The following APELA variants were observed in gnomAD, a reference collection of about 807,000 sequenced individuals.
APELA encodes apelin receptor early endogenous ligand, also known as protein Elabela.
chr4:164,881,520 C>T (rs1336501265), intron 2 of APELA, among the ~76,000 whole-genome samples: 2 of 128,828 alleles, frequency 1.6e-5, no homozygotes, highest in Admixed American at 8.0e-5. Context: ...TGCTGTATGC[C>T]GTTCATTTCC....
chr4:164,892,577 T>C (rs1730903003), intron 2 of APELA, among the ~76,000 whole-genome samples: 1 of 152,204 alleles, frequency 6.6e-6, no homozygotes, highest in South Asian at 2.1e-4. Context: ...GAAATATTGG[T>C]CTGCACTTTT....
intron 2 of APELA, among the ~76,000 whole-genome samples, chr4:164,885,940 ACTCT>A (rs1159337391): frequency 1.3e-5 from 2 of 151,662 alleles, no homozygotes; most frequent in African/African-American, 2.4e-5. Flanking sequence ...TCAAGTCCAA[ACTCT>A]CTCCCTCCTT....
At chr4:164,885,069 G>C (rs1454715612) in intron 2 of APELA, among the ~76,000 whole-genome samples, 1 of 151,832 alleles carries the variant, frequency 6.6e-6, no homozygotes, top group Non-Finnish European at 1.5e-5. Flanking sequence ...CCGAGGGTAG[G>C]TTTTATTTAT....
At chr4:164,898,868 G>C (rs1231223952), downstream of APELA, 1 of 152,170 alleles carries the variant, frequency 6.6e-6, no homozygotes, top group East Asian at 1.9e-4. Context: ...TCTAGAACGA[G>C]TGAGCACAAA....
chr4:164,883,706 G>C (rs1187679383), intron 2 of APELA, among the ~76,000 whole-genome samples: 1 of 151,646 alleles, frequency 6.6e-6, no homozygotes, highest in African/African-American at 2.4e-5. Context: ...GGCTGGTCTT[G>C]ACCTTCTGGG....
intron 2 of APELA, among the ~76,000 whole-genome samples, chr4:164,893,177 C>A (rs905841824): frequency 6.6e-6 from 1 of 152,072 alleles, no homozygotes; most frequent in Admixed American, 6.5e-5. Flanking sequence ...TGTTTAGGGT[C>A]TTAAGTGAAA....
chr4:164,890,076 T>A (rs1730851051), intron 2 of APELA, among the ~76,000 whole-genome samples: 1 of 152,214 alleles, frequency 6.6e-6, no homozygotes, highest in Non-Finnish European at 1.5e-5. Flanking sequence ...TTAATTTATT[T>A]ATCTTGACTT....
At chr4:164,891,892 G>C (rs7680509) in intron 2 of APELA, among the ~76,000 whole-genome samples, 11,825 of 152,126 alleles carry the variant, frequency 0.078, 1,389 homozygotes, top group African/African-American at 0.26. Context: ...TATTATGTTA[G>C]TTATGGGTCT....
chr4:164,883,587 AG>A lies in APELA; in HGVS notation c.*1+4579del, dbSNP rs554010962. On this transcript the variant is annotated intron_variant, in intron 2 of 2. Transcript: ENST00000507152. ...CTGTAGCCTCAAAGTCTCAGGCTCAAGTTATCCTCCTGCCTCAGCCTTCCAA... is the reference window on the plus strand; with the variant it reads ...CTGTAGCCTCAAAGTCTCAGGCTCAATTATCCTCCTGCCTCAGCCTTCCAA... 1.3e-3 allele frequency among the ~76,000 whole-genome samples: 201 copies of A among 151,248 alleles called. 1 individual carries two copies. The highest frequency in any genetic ancestry group is 4.4e-3 in the African/African-American group (182 of 41,026).
At chr4:164,888,768 T>A in intron 2 of APELA, among the ~76,000 whole-genome samples, 1 of 132,996 alleles carries the variant, frequency 7.5e-6, no homozygotes, top group East Asian at 1.9e-4. Context: ...GGTCCTTTAG[T>A]GATTTCTCAT....
At chr4:164,879,442 C>T (rs1730617106) in intron 2 of APELA, among the ~76,000 whole-genome samples, 2 of 152,018 alleles carry the variant, frequency 1.3e-5, no homozygotes, top group African/African-American at 4.8e-5. Flanking sequence ...CTCCTCCTCT[C>T]TCCTCTTACC....
At chr4:164,889,803 A>G (rs1429218500) in intron 2 of APELA, among the ~76,000 whole-genome samples, 1 of 152,224 alleles carries the variant, frequency 6.6e-6, no homozygotes, top group Non-Finnish European at 1.5e-5. Flanking sequence ...TGTACTGAAC[A>G]TGTTCAAACT....
chr4:164,898,850 G>A (rs780274862), downstream of APELA: 1 of 152,168 alleles, frequency 6.6e-6, no homozygotes, highest in Non-Finnish European at 1.5e-5. Context: ...CCTCTGTTTA[G>A]GGACAGGTCT....
At chr4:164,887,169 T>C (rs924506147) in intron 2 of APELA, among the ~76,000 whole-genome samples, 1 of 152,166 alleles carries the variant, frequency 6.6e-6, no homozygotes, top group African/African-American at 2.4e-5. Context: ...TTACAAAATG[T>C]GTAATAATTC....
chr4:164,879,414 T>C (rs1166953128), intron 2 of APELA, among the ~76,000 whole-genome samples: 1 of 152,066 alleles, frequency 6.6e-6, no homozygotes, highest in Non-Finnish European at 1.5e-5. Flanking sequence ...GTTTCTTTTC[T>C]TCTCCTCCTC....
At chr4:164,879,141 C>G in intron 2 of APELA, 132 bp downstream of exon 2, 1 of 395,344 alleles carries the variant, frequency 2.5e-6, no homozygotes, top group Non-Finnish European at 4.5e-6. Context: ...GAGATGCATA[C>G]CAATAAATGA....
chr4:164,893,841 A>T (rs1435388666), intron 2 of APELA, among the ~76,000 whole-genome samples: 6 of 152,102 alleles, frequency 3.9e-5, no homozygotes, highest in Admixed American at 3.3e-4. Flanking sequence ...TATATGGTTG[A>T]ACTTACGCAA....
At chr4:164,884,079 A>C (rs1377851194) in intron 2 of APELA, among the ~76,000 whole-genome samples, 1 of 144,960 alleles carries the variant, frequency 6.9e-6, no homozygotes, top group Non-Finnish European at 1.5e-5. Flanking sequence ...GAGAGAAAGA[A>C]AGAAGGAAAA....
Position 164,886,096 on chromosome 4 carries a change from A to G in APELA, c.*1+7087A>G, listed in dbSNP as rs534802466. Among the ~76,000 whole-genome samples, 229 of 152,318 alleles carry G rather than the reference A, an allele frequency of 1.5e-3. 1 individual carries two copies. Among genetic ancestry groups the G allele is most frequent in the Non-Finnish European group, 2.5e-3 (168 of 68,022 alleles). Reference sequence around the variant, plus strand: ...CTATCACATTTGACTTTGTTTCTTTAGATTTTTATCAGTATTGAAATATGA... The same window carrying G: ...CTATCACATTTGACTTTGTTTCTTTGGATTTTTATCAGTATTGAAATATGA... On this transcript the variant is annotated intron_variant, in intron 2 of 2. Transcript: ENST00000507152.
Sources: gnomAD v4.1 joint callset for allele counts (sites outside exome capture counted in the v4.1 genomes callset) on GRCh38, gnomAD v4.1.1 for gene constraint, MANE v1.5 for transcripts, NCBI Gene and HGNC (gene_info 2026-07-23, HGNC 2026-07-21) for gene names.